Variants in ANKH observed in about 807,000 individuals in gnomAD.
The protein encoded by ANKH is ANKH inorganic pyrophosphate transport regulator.
ANKH carries 15 observed loss-of-function variants against 49.0 expected under a neutral mutation model. The ratio of observed to expected loss-of-function variants is 0.31; its 90% CI spans 0.20 to 0.47. The LOEUF (loss-of-function observed/expected upper bound fraction) is 0.47, where lower values mean the gene tolerates loss of function less well. Among genes scored for constraint, ANKH ranks in the 20% least tolerant of loss-of-function variants. The pLI, the probability that ANKH is intolerant of heterozygous loss-of-function variation, is 1.00. For missense variants in ANKH, 429 were observed against 652.0 expected (o/e 0.66, Z 3.72); for synonymous variants, 273 against 260.0 (o/e 1.05, Z -0.48).
At chr5:14,859,635 AG>A (rs1735419611) in intron 1 of ANKH, among the ~76,000 whole-genome samples, 1 of 152,234 alleles carries the variant, frequency 6.6e-6, no homozygotes, top group African/African-American at 2.4e-5. Context: ...GCAGTTACAA[AG>A]GCTGGCTCAG....
intron 1 of ANKH, among the ~76,000 whole-genome samples, chr5:14,776,737 C>T (rs914971980): frequency 1.3e-5 from 2 of 152,188 alleles, no homozygotes; most frequent in African/African-American, 4.8e-5. Context: ...AATTAGGCCT[C>T]GAGGCAGACG....
rs1027964274 is a variant in ANKH, at chr5:14,713,750, C to A, written c.1142-83G>T. ...TGCCTCTGGACCAGGGCAGCACATCCGAGAGCCAGGGGCTGCCTAGGACCC... is the reference window on the plus strand; with the variant it reads ...TGCCTCTGGACCAGGGCAGCACATCAGAGAGCCAGGGGCTGCCTAGGACCC... On this transcript the variant is annotated intron_variant, in intron 9 of 11. Coordinates refer to ENST00000284268, the MANE Select transcript of ANKH (RefSeq NM_054027.6). The surrounding 1 kb of genome is among the most constrained non-coding windows in gnomAD (Gnocchi z 4.4). The A allele has an allele frequency of 5.6e-6, 9 of 1,598,200 alleles. No individual in the cohort carries two copies.
chr5:14,725,722 G>A lies in ANKH; in HGVS notation c.1012-8887C>T, dbSNP rs1214629771. On this transcript the variant is annotated intron_variant, in intron 8 of 11. Transcript: ENST00000284268. The surrounding 1 kb of genome is among the most constrained non-coding windows in gnomAD (Gnocchi z 4.0). ...TGTATTTTTCCGTGGCTTCCACAAA[G>A]AACATGTATTCTTTTTATCAGAAAA... Among the ~76,000 whole-genome samples the A allele has an allele frequency of 6.6e-6, 1 of 152,212 alleles. No homozygotes were observed. The highest frequency in any genetic ancestry group is 1.5e-5 in the Non-Finnish European group (1 of 68,034).
At chr5:14,811,048 T>G (rs1740868196) in intron 1 of ANKH, among the ~76,000 whole-genome samples, 1 of 152,134 alleles carries the variant, frequency 6.6e-6, no homozygotes. Flanking sequence ...TAAATCATGG[T>G]CCTGCAAGTG....
intron 8 of ANKH, among the ~76,000 whole-genome samples, chr5:14,734,329 AC>A (rs1224746702): frequency 6.6e-6 from 1 of 152,068 alleles, no homozygotes; most frequent in African/African-American, 2.4e-5. Flanking sequence ...CAATAGGGAA[AC>A]AACACAGCAG....
At chr5:14,721,838 G>A (rs1356583642) in intron 8 of ANKH, among the ~76,000 whole-genome samples, 1 of 143,930 alleles carries the variant, frequency 6.9e-6, no homozygotes, top group Non-Finnish European at 1.5e-5. Flanking sequence ...GCTGAGGCAG[G>A]AGAATGGCGT....
intron 1 of ANKH, among the ~76,000 whole-genome samples, chr5:14,822,131 T>C (rs560307753): frequency 6.6e-6 from 1 of 152,334 alleles, no homozygotes; most frequent in Admixed American, 6.5e-5. Context: ...GGATAACATG[T>C]AGCTAGGAGC....
chr5:14,713,057 T>A lies in ANKH; in HGVS notation c.1266-84A>T. 3.0e-6 allele frequency: 4 copies of A among 1,343,698 alleles called. No individual in the cohort carries two copies. Among genetic ancestry groups the A allele is most frequent in the Non-Finnish European group, 4.2e-6 (4 of 959,580 alleles). 83.2% of individuals were successfully genotyped at this position (1,343,698 alleles called of 1,614,324 possible). A position where few individuals can be genotyped will look rare whatever the true frequency, so the allele number is the denominator to read the frequency against. ...CGATGCCAAAACCCAGGAAAGTAAG[T>A]GTAGCCTCGAGACGGCTGAGACCAG... On this transcript the variant is annotated intron_variant, in intron 10 of 11. Transcript: ENST00000284268. This position sits in a 1 kb window ranked among gnomAD's most constrained non-coding sequence, Gnocchi z 4.4.
chr5:14,713,531 C>G lies in ANKH; in HGVS notation c.1265+13G>C. On this transcript the variant is annotated intron_variant, in intron 10 of 11. Coordinates refer to ENST00000284268, the MANE Select transcript of ANKH (RefSeq NM_054027.6). The surrounding 1 kb of genome is among the most constrained non-coding windows in gnomAD (Gnocchi z 4.4). ...CAGAAGGACCCACAGCCCCAAACTC[C>G]CTGACAACATACCCCAGGTAGGGTA... is the stretch of plus-strand genomic sequence containing the variant. The G allele has an allele frequency of 6.2e-7, 1 of 1,614,020 alleles. No individual in the cohort carries two copies. The highest frequency in any genetic ancestry group is 2.2e-5 in the East Asian group (1 of 44,876).
intron 2 of ANKH, among the ~76,000 whole-genome samples, chr5:14,765,578 G>A (rs969833394): frequency 6.6e-6 from 1 of 151,990 alleles, no homozygotes; most frequent in Admixed American, 6.6e-5. Context: ...TCAAAGATGG[G>A]AGAATGCCTA....
At chr5:14,798,892 C>G (rs557484868) in intron 1 of ANKH, among the ~76,000 whole-genome samples, 1 of 152,172 alleles carries the variant, frequency 6.6e-6, no homozygotes, top group Non-Finnish European at 1.5e-5. Context: ...GTGAAAGGAA[C>G]AGTCACACCT....
At chr5:14,838,127 G>T (rs1045267630) in intron 1 of ANKH, among the ~76,000 whole-genome samples, 1 of 152,162 alleles carries the variant, frequency 6.6e-6, no homozygotes, top group Non-Finnish European at 1.5e-5. Context: ...GTGGGGGAAG[G>T]GCGGAGGGAT....
chr5:14,742,178 C>T (rs1359614284), intron 7 of ANKH, among the ~76,000 whole-genome samples: 5 of 152,190 alleles, frequency 3.3e-5, no homozygotes, highest in Non-Finnish European at 5.9e-5. Flanking sequence ...TCCCCTCTGC[C>T]TGGGCAGCCC....
At chr5:14,742,807 C>T (rs1460896895) in intron 7 of ANKH, among the ~76,000 whole-genome samples, 1 of 152,254 alleles carries the variant, frequency 6.6e-6, no homozygotes, top group Non-Finnish European at 1.5e-5. Context: ...AGATGTCACC[C>T]AGCTTGACAG....
chr5:14,834,612 C>T (rs780495769), intron 1 of ANKH, among the ~76,000 whole-genome samples: 1 of 152,094 alleles, frequency 6.6e-6, no homozygotes, highest in Non-Finnish European at 1.5e-5. Flanking sequence ...GAAACTCTGT[C>T]TCTAAAAAAT....
chr5:14,809,354 A>AAAAAAAAAAAAAAAAAAAAAAG (rs1561065397), intron 1 of ANKH, among the ~76,000 whole-genome samples: 5 of 130,262 alleles, frequency 3.8e-5, no homozygotes, highest in East Asian at 2.7e-4. Context: ...AAAAAAAAAA[A>AAAAAAAAAAAAAAAAAAAAAAG]AAAGAAAAAA....
At chr5:14,831,679 G>A (rs879327720) in intron 1 of ANKH, among the ~76,000 whole-genome samples, 1 of 152,144 alleles carries the variant, frequency 6.6e-6, no homozygotes, top group Non-Finnish European at 1.5e-5. Context: ...GCTTAGCACT[G>A]TTCAGATTTA....
intron 1 of ANKH, among the ~76,000 whole-genome samples, chr5:14,800,110 C>T (rs1740524628): frequency 6.6e-6 from 1 of 152,168 alleles, no homozygotes; most frequent in Non-Finnish European, 1.5e-5. Context: ...GGGAAGGTAA[C>T]TGCAGATGTG....
intron 7 of ANKH, among the ~76,000 whole-genome samples, chr5:14,743,292 A>C (rs1738422412): frequency 1.3e-5 from 2 of 152,222 alleles, no homozygotes; most frequent in South Asian, 4.1e-4. Flanking sequence ...TACGATGAGG[A>C]GGCCTATGTT....
Sources: gnomAD v4.1 joint callset for allele counts (sites outside exome capture counted in the v4.1 genomes callset) on GRCh38, gnomAD v4.1.1 for gene constraint, Gnocchi (gnomAD v3.1) non-coding constraint, MANE v1.5 for transcripts, NCBI Gene and HGNC (gene_info 2026-07-23, HGNC 2026-07-21) for gene names.